FAR2: variants seen among roughly 807,000 people sequenced by gnomAD.
FAR2 encodes epididymis secretory protein Li 81.
FAR2 carries 19 observed loss-of-function variants against 56.0 expected under a neutral mutation model. The ratio of observed to expected loss-of-function variants is 0.34; its 90% confidence interval spans 0.24 to 0.50. The LOEUF (loss-of-function observed/expected upper bound fraction) is 0.50. Ranked by LOEUF, FAR2 falls within the 20% of genes least tolerant of loss-of-function variation. The pLI is 0.98. For synonymous variants in FAR2, 219 were observed against 218.8 expected, an observed-to-expected ratio of 1.00 and a Z score of -0.01; for missense variants, 508 against 642.2, an observed-to-expected ratio of 0.79 and a Z score of 2.26.
chr12:29,314,212 T>C (rs1449254128), intron 8 of FAR2, among the ~76,000 whole-genome samples: 3 of 152,230 alleles, frequency 2.0e-5, no homozygotes, highest in Admixed American at 6.5e-5. Context: ...TTAAAAGTCT[T>C]GGGCTTTAAG....
At chr12:29,157,367 A>G (rs973228692) in intron 1 of FAR2, among the ~76,000 whole-genome samples, 2 of 151,932 alleles carry the variant, frequency 1.3e-5, no homozygotes, top group South Asian at 2.1e-4. Context: ...TGTATCCCCT[A>G]TGGCTTTTGG....
chr12:29,324,085 G>A (rs112864707), intron 10 of FAR2, among the ~76,000 whole-genome samples: 4 of 152,322 alleles, frequency 2.6e-5, no homozygotes, highest in African/African-American at 9.6e-5. Flanking sequence ...CAAGGCTCGA[G>A]AACTACGTGA....
chr12:29,172,258 G>A (rs1949895181), intron 1 of FAR2, among the ~76,000 whole-genome samples: 1 of 152,210 alleles, frequency 6.6e-6, no homozygotes. Context: ...CATCTGGGAA[G>A]TGAGGAGCAC....
intron 2 of FAR2, among the ~76,000 whole-genome samples, chr12:29,285,210 G>GGGCTTCA (rs1948854932): frequency 1.3e-5 from 1 of 74,654 alleles, no homozygotes; most frequent in Non-Finnish European, 2.7e-5. Context: ...TTCATGCTTC[G>GGGCTTCA]CTGTATAAAA....
At chr12:29,272,759 T>C (rs1184749762) in intron 2 of FAR2, among the ~76,000 whole-genome samples, 2 of 152,162 alleles carry the variant, frequency 1.3e-5, no homozygotes, top group African/African-American at 2.4e-5. Context: ...TTCTTTCTTA[T>C]CTTTGTGAGT....
In FAR2 at chr12:29,187,275, C is replaced by A. The variant is rs146817851; in HGVS notation, c.-39+37868C>A. 6.6e-3 allele frequency among the ~76,000 whole-genome samples: 1,001 copies of A among 152,056 alleles called. 9 individuals are homozygous for A. Among genetic ancestry groups the A allele is most frequent in the African/African-American group, 0.023 (959 of 41,468 alleles). On this transcript the variant is annotated intron_variant, in intron 1 of 11. Transcript: ENST00000536681. ...TTCTTTCTTGCTGTATTGAATGTAA[C>A]TATTTTGTCAATTTTTCTTCATTTC...
intron 2 of FAR2, among the ~76,000 whole-genome samples, chr12:29,284,548 T>C (rs1489862767): frequency 6.6e-6 from 1 of 152,172 alleles, no homozygotes; most frequent in East Asian, 1.9e-4. Flanking sequence ...AGTAGAGAAC[T>C]CTGGGTGATA....
intron 1 of FAR2, among the ~76,000 whole-genome samples, chr12:29,252,756 T>G (rs988480552): frequency 6.6e-6 from 1 of 152,178 alleles, no homozygotes; most frequent in African/African-American, 2.4e-5. Context: ...GTTATTGACA[T>G]TAAGTATGGT....
At position 29,212,460 on chromosome 12, in the gene FAR2, C is replaced by T. The variant is rs138490228; in HGVS notation, c.-38-57952C>T. ...TCCTGTTTTAAATCTTCTATACTTA[C>T]AATAACTCAGAATGCTATCTTTTAT... On this transcript the variant is annotated intron_variant, in intron 1 of 11. Coordinates refer to ENST00000536681, the MANE Select transcript of FAR2 (RefSeq NM_001271783.2). 2.0e-5 allele frequency among the ~76,000 whole-genome samples: 3 copies of T among 152,302 alleles called. No individual in the cohort carries two copies. The East Asian group carries it at 5.8e-4, about 29-fold the overall frequency.
chr12:29,324,336 C>T (rs1365197316), intron 10 of FAR2, among the ~76,000 whole-genome samples: 1 of 152,270 alleles, frequency 6.6e-6, no homozygotes, highest in Non-Finnish European at 1.5e-5. Context: ...AGGGTATTAT[C>T]CAGGAGAACT....
intron 1 of FAR2, among the ~76,000 whole-genome samples, chr12:29,172,803 A>C (rs1434570282): frequency 6.6e-6 from 1 of 152,216 alleles, no homozygotes; most frequent in African/African-American, 2.4e-5. Context: ...TACGGTGGAC[A>C]TCATTTAATA....
chr12:29,324,438 C>T (rs906940207), intron 10 of FAR2, among the ~76,000 whole-genome samples: 1 of 152,076 alleles, frequency 6.6e-6, no homozygotes, highest in African/African-American at 2.4e-5. Flanking sequence ...CTCCAAAACA[C>T]ATAATTGTCA....
Position 29,151,557 on chromosome 12 carries a change from A to G in FAR2, c.-39+2150A>G, listed in dbSNP as rs149421520. 2.5e-3 allele frequency: 380 copies of G among 152,304 alleles called. 2 individuals are homozygous for G. Among genetic ancestry groups the G allele is most frequent in the African/African-American group, 8.8e-3 (366 of 41,558 alleles). 9.4% of individuals were successfully genotyped at this position (152,304 alleles called of 1,614,324 possible). On this transcript the variant is annotated intron_variant, in intron 1 of 11. Transcript: ENST00000536681. ...TTCTGCTATCACCGTCTGCTGGCTT[A>G]ATAATTTTCAAAGAGGCTCTGGATC...
chr12:29,216,677 GC>G (rs1947625226), intron 1 of FAR2, among the ~76,000 whole-genome samples: 3 of 152,116 alleles, frequency 2.0e-5, no homozygotes, highest in Admixed American at 6.6e-5. Context: ...GCTGCTGTTA[GC>G]CTTTTCAGGG....
chr12:29,309,132 A>C, intron 5 of FAR2, 54 bp from the exon 6 acceptor site: 1 of 1,336,382 alleles, frequency 7.5e-7, no homozygotes, highest in Middle Eastern at 1.8e-4. Context: ...AGATGTTCCA[A>C]AGATAAAACA....
intron 1 of FAR2, among the ~76,000 whole-genome samples, chr12:29,149,801 T>A (rs2136567712): frequency 6.6e-6 from 1 of 152,296 alleles, no homozygotes; most frequent in Admixed American, 6.5e-5. Flanking sequence ...CCAGGCCTCC[T>A]GGGCCCTTGG....
chr12:29,242,948 A>G (rs7137921), intron 1 of FAR2, among the ~76,000 whole-genome samples: 2,107 of 152,344 alleles, frequency 0.014, 41 homozygotes, highest in African/African-American at 0.048. Context: ...AATCTACCAA[A>G]TGAGAAAAAG....
chr12:29,172,204 C>G (rs1949894397), intron 1 of FAR2, among the ~76,000 whole-genome samples: 1 of 149,332 alleles, frequency 6.7e-6, no homozygotes, highest in Admixed American at 6.7e-5. Flanking sequence ...CCCGGCCGCC[C>G]CACCGTCTGG....
intron 1 of FAR2, among the ~76,000 whole-genome samples, chr12:29,181,912 T>C (rs888796421): frequency 6.6e-6 from 1 of 151,938 alleles, no homozygotes; most frequent in Non-Finnish European, 1.5e-5. Flanking sequence ...TAAATGGAGG[T>C]TAAAGATGAT....
Sources: gnomAD v4.1 joint callset for allele counts (sites outside exome capture counted in the v4.1 genomes callset) on GRCh38, gnomAD v4.1.1 for gene constraint, MANE v1.5 for transcripts, NCBI Gene and HGNC (gene_info 2026-07-23, HGNC 2026-07-21) for gene names.